A1BG: variants seen among roughly 807,000 people sequenced by gnomAD.
A1BG encodes the protein alpha-1-B glycoprotein, also known as alpha-1B-glycoprotein.
A1BG carries 44 observed loss-of-function variants against 46.0 expected under a neutral mutation model. That is an observed-to-expected ratio of 0.96 (90% CI 0.75 to 1.23). The LOEUF (loss-of-function observed/expected upper bound fraction) is 1.23, where lower values mean the gene tolerates loss of function less well. Ranked by LOEUF, A1BG falls within the 50% of genes most tolerant of loss-of-function variation. The probability of loss-of-function intolerance (pLI) is 0.00; values close to 1 mark genes in which losing one functional copy is unlikely to be tolerated. For missense variants in A1BG, 707 were observed against 688.8 expected, an observed-to-expected ratio of 1.03 and a Z score of -0.30; for synonymous variants, 316 against 314.7, an observed-to-expected ratio of 1.00 and a Z score of -0.04.
rs1347868471 is a variant in A1BG at position 58,353,397 on chromosome 19, G to A, written c.34+7C>T. ...GCCCCAGGGACCCAGACCCCAGGAG[G>A]CCTCACCCCACAGCAAGAGAAAGAC... On this transcript the variant is annotated splice_region_variant and intron_variant, in intron 1 of 7. Transcript: ENST00000263100. 6.2e-7 allele frequency: 1 copy of A among 1,612,582 alleles called. No homozygotes were observed. The highest frequency in any genetic ancestry group is 2.2e-5 in the East Asian group (1 of 44,824).
chr19:58,352,287 C>A lies in A1BG; in HGVS notation c.609G>T (p.Glu203Asp). The A allele has an allele frequency of 6.2e-7, 1 of 1,613,318 alleles. No homozygotes were observed. Among genetic ancestry groups the A allele is most frequent in the Non-Finnish European group, 8.5e-7 (1 of 1,179,716 alleles). The change falls in exon 4 of 8, where the codon GAG becomes GAT. Residue 203 changes from glutamate (E) to aspartate (D), a missense_variant. Physicochemically the swap from Glu to Asp is conservative, Grantham distance 45. Coordinates refer to ENST00000263100, the MANE Select transcript of A1BG (RefSeq NM_130786.4). ...AGAGATGGTTCCCACAGTCACCGAG[C>A]TCCTCAATGGTCACAGTAGCGCTGG... is the stretch of plus-strand genomic sequence containing the variant. ...SEPSATVTIE[E>D]LAAPPPPVLM...
At chr19:58,347,309 CA>C in intron 7 of A1BG, 43 bp downstream of exon 7, 1 of 1,606,076 alleles carries the variant, frequency 6.2e-7, no homozygotes, top group Non-Finnish European at 8.5e-7. Context: ...CCCAGGCAAA[CA>C]TCAGCAGACG....
rs1302662626 is a variant in A1BG, at chr19:58,352,514, A to G, written c.382T>C (p.Trp128Arg). Residue 128 changes from tryptophan to arginine, a missense_variant, in exon 4 of 8, where the codon TGG becomes CGG. Trp to Arg is a moderately radical substitution (Grantham distance 101). Transcript: ENST00000263100. The part of the protein sequence containing the change: ...APWLSMAPVS[W>R]ITPGLKTTAV... ...GTTGTTTTCAGGCCGGGGGTGATCC[A>G]GGACACTGGCGCCATCGAGAGCCAG... The G allele has an allele frequency of 6.2e-7, 1 of 1,612,420 alleles. No individual in the cohort carries two copies. Among genetic ancestry groups the G allele is most frequent in the Admixed American group, 1.7e-5 (1 of 59,996 alleles).
At chr19:58,351,092 G>A (rs1417533645) in intron 5 of A1BG, 2 of 524,020 alleles carry the variant, frequency 3.8e-6, no homozygotes, top group South Asian at 2.4e-5. Flanking sequence ...GAGCGGAGGA[G>A]CTGCCTCAGC....
At chr19:58,347,791 C>G (rs1568552419) in intron 6 of A1BG, 151 bp from the exon 7 acceptor site, 2 of 440,816 alleles carry the variant, frequency 4.5e-6, no homozygotes, top group Non-Finnish European at 7.3e-6. Flanking sequence ...AGGGCTCCTC[C>G]GGCGCCGCCG....
In A1BG at chr19:58,352,487, CTGT is replaced by C. The variant is rs756328834; in HGVS notation, c.406_408del (p.Thr136del). On this transcript the variant is annotated inframe_deletion, in exon 4 of 8. Transcript: ENST00000263100. ...CCCCGCAGCACACCTCGGCACACTG[CTGT>C]TGTTTTCAGGCCGGGGGTGATCCAG... 6.8e-6 allele frequency: 11 copies of C among 1,613,322 alleles called. No homozygotes were observed. Among genetic ancestry groups the C allele is most frequent in the Non-Finnish European group, 9.3e-6 (11 of 1,180,008 alleles).
At chr19:58,347,329 A>C in intron 7 of A1BG, 24 bp downstream of exon 7, 2 of 1,608,734 alleles carry the variant, frequency 1.2e-6, no homozygotes, top group Non-Finnish European at 8.5e-7. Context: ...CGGAACCAGC[A>C]CCCGGGACCC....
chr19:58,345,310 G>A lies in A1BG; in HGVS notation c.*1712C>T, dbSNP rs1300499743. 2 of 152,160 alleles carry A rather than the reference G, an allele frequency of 1.3e-5. No individual in the cohort carries two copies. Among genetic ancestry groups the A allele is most frequent in the African/African-American group, 4.8e-5 (2 of 41,432 alleles). The allele number at this position is 152,160 out of a possible 1,614,324, so 9.4% of individuals were successfully genotyped here. On this transcript the variant is annotated 3_prime_UTR_variant, in exon 8 of 8. Coordinates refer to ENST00000263100, the MANE Select transcript of A1BG (RefSeq NM_130786.4). ...TCATCAGACATTAAGGAAACGCAAG[G>A]AAAACCACTATTAGATATGTCTACA...
rs1189967081 is a variant in A1BG at position 58,346,913 on chromosome 19, C to T, written c.*109G>A. On this transcript the variant is annotated 3_prime_UTR_variant, in exon 8 of 8. Transcript: ENST00000263100. ...CCTGGGAGGAATGAGGGAGGCTTCTCCAGCCCCCCAGAGACCCCGGCCTTG... is the reference window on the plus strand; with the variant it reads ...CCTGGGAGGAATGAGGGAGGCTTCTTCAGCCCCCCAGAGACCCCGGCCTTG... 8.5e-6 allele frequency: 10 copies of T among 1,180,596 alleles called. No homozygotes were observed. The highest frequency in any genetic ancestry group is 1.3e-5 in the Non-Finnish European group (10 of 784,656). 73.1% of individuals were successfully genotyped at this position (1,180,596 alleles called of 1,614,324 possible). A position where few individuals can be genotyped will look rare whatever the true frequency, so the allele number is the denominator to read the frequency against.
chr19:58,352,554 C>T lies in A1BG; in HGVS notation c.342G>A (p.Lys114=), dbSNP rs762287675. 6.5e-5 allele frequency: 105 copies of T among 1,606,880 alleles called. No individual in the cohort carries two copies. The highest frequency in any genetic ancestry group is 1.6e-4 in the Middle Eastern group (1 of 6,076). Residue 114 remains lysine (K), a splice_region_variant and synonymous_variant, in exon 4 of 8, where the codon AAG becomes AAA. Coordinates refer to ENST00000263100, the MANE Select transcript of A1BG (RefSeq NM_130786.4). ...TCGAGAGCCAGGGAGCAGGCAAGGA[C>T]TCTGTGGGTGGGGTGGAGTTGAAGA... ...LSKLLELTGP[K]SLPAPWLSMA...
chr19:58,347,427 C>G lies in A1BG; in HGVS notation c.1406G>C (p.Arg469Thr). The G allele has an allele frequency of 6.2e-7, 1 of 1,610,304 alleles. No individual in the cohort carries two copies. Among genetic ancestry groups the G allele is most frequent in the South Asian group, 1.1e-5 (1 of 91,038 alleles). ...FVGPQHAGNY[R>T]CRYRSWVPHT... ...GGGCACCCAGGAGCGGTAGCGGCACCTGTAGTTGCCGGCGTGCTGGGGCCC... is the reference window on the plus strand; with the variant it reads ...GGGCACCCAGGAGCGGTAGCGGCACGTGTAGTTGCCGGCGTGCTGGGGCCC... Residue 469 changes from arginine to threonine, a missense_variant, in exon 7 of 8, where the codon AGG becomes ACG. Coordinates refer to ENST00000263100, the MANE Select transcript of A1BG (RefSeq NM_130786.4).
rs576303734 is a variant in A1BG at position 58,351,384 on chromosome 19, G to A, written c.910+7C>T. The A allele has an allele frequency of 9.3e-6, 15 of 1,607,502 alleles. No homozygotes were observed. The highest frequency in any genetic ancestry group is 1.7e-4 in the Middle Eastern group (1 of 5,920). ...CCGCGTCCCTGTCCCTGCTGGCCCCGGCTCACCATCGCTCAGAATCAGCTC... is the reference window on the plus strand; with the variant it reads ...CCGCGTCCCTGTCCCTGCTGGCCCCAGCTCACCATCGCTCAGAATCAGCTC... On this transcript the variant is annotated splice_region_variant and intron_variant, in intron 5 of 7. Coordinates refer to ENST00000263100, the MANE Select transcript of A1BG (RefSeq NM_130786.4).
chr19:58,352,666 G>A, intron 3 of A1BG, 111 bp from the exon 4 acceptor site: 1 of 1,390,650 alleles, frequency 7.2e-7, no homozygotes, highest in Non-Finnish European at 9.7e-7. Context: ...GGGATGGAGG[G>A]CATTGCTGGG....
At chr19:58,351,281 G>A (rs372232152) in intron 5 of A1BG, 110 bp downstream of exon 5, 1 of 1,348,706 alleles carries the variant, frequency 7.4e-7, no homozygotes. Flanking sequence ...GGATAAAGTT[G>A]GTATTGGACC....
At chr19:58,351,843 C>G (rs1462047335) in intron 4 of A1BG, 156 bp from the exon 5 acceptor site, 2 of 834,424 alleles carry the variant, frequency 2.4e-6, no homozygotes, top group African/African-American at 3.7e-5. Flanking sequence ...GTTGCCCAGG[C>G]TGGAGTGCAG....
chr19:58,346,987 G>A lies in A1BG; in HGVS notation c.*35C>T, dbSNP rs765925878. 7 of 1,613,836 alleles carry A rather than the reference G, an allele frequency of 4.3e-6. No individual in the cohort carries two copies. The highest frequency in any genetic ancestry group is 4.5e-5 in the East Asian group (2 of 44,884). ...CCAGTCCAGAATCCCCGGCACTTCT[G>A]AGGACACCAACAGCACCCTGGGCCC... On this transcript the variant is annotated 3_prime_UTR_variant, in exon 8 of 8. Transcript: ENST00000263100.
rs199793766 is a variant in A1BG, at chr19:58,352,999, C to T, written c.269G>A (p.Arg90His). ...QFLLTGDTQG[R>H]YRCRSGLSTG... is the part of the protein sequence containing the mutation. ...GGACAAGCCCGAGCGGCAGCGGTAG[C>T]GGCCCTGGGTGTCACCCGTCAGCAG... The change falls in exon 3 of 8, where the codon CGC becomes CAC. Residue 90 changes from arginine (R) to histidine (H), a missense_variant. Arg to His is a conservative substitution (Grantham distance 29). Transcript: ENST00000263100. 1.3e-4 allele frequency: 211 copies of T among 1,613,986 alleles called. No homozygotes were observed. Among genetic ancestry groups the T allele is most frequent in the Non-Finnish European group, 1.7e-4 (199 of 1,180,032 alleles).
rs114940237 is a variant in A1BG, at chr19:58,347,774, G to A, written c.1193-134C>T. On this transcript the variant is annotated intron_variant, in intron 6 of 7. Transcript: ENST00000263100. ...CTTCATCTTCCCTGTCTTGTTCCTG[G>A]GCGCAGAGGGCTCCTCCGGCGCCGC... The A allele has an allele frequency of 3.7e-3, 1,884 of 510,634 alleles. 24 individuals are homozygous for A. Among genetic ancestry groups the A allele is most frequent in the African/African-American group, 0.034 (1,676 of 49,726 alleles). 31.6% of individuals were successfully genotyped at this position (510,634 alleles called of 1,614,324 possible). A position where few individuals can be genotyped will look rare whatever the true frequency, so the allele number is the denominator to read the frequency against.
At chr19:58,350,768 G>T in intron 5 of A1BG, 117 bp from the exon 6 acceptor site, 1 of 1,169,350 alleles carries the variant, frequency 8.6e-7, no homozygotes. Context: ...GACCTGGCCA[G>T]CTTCCTCCCT....
Sources: gnomAD v4.1 joint callset for allele counts on GRCh38, gnomAD v4.1.1 for gene constraint, MANE v1.5 for transcripts, NCBI Gene and HGNC (gene_info 2026-07-23, HGNC 2026-07-21) for gene names.